GFPT1: variants seen among roughly 807,000 people sequenced by gnomAD.
GFPT1 encodes glutamine--fructose-6-phosphate transaminase 1, also known as glutamine--fructose-6-phosphate aminotransferase [isomerizing] 1.
A neutral mutation model predicts 92.0 loss-of-function variants in GFPT1; 40 were observed. The ratio of observed to expected loss-of-function variants is 0.43; its 90% CI spans 0.34 to 0.57. The LOEUF (loss-of-function observed/expected upper bound fraction) is 0.57. Among genes scored for constraint, GFPT1 ranks in the 20% least tolerant of loss-of-function variants. The probability of loss-of-function intolerance (pLI) is 0.02; values close to 1 mark genes in which losing one functional copy is unlikely to be tolerated. For synonymous variants in GFPT1, 269 were observed against 280.6 expected, an observed-to-expected ratio of 0.96 and a Z score of 0.41; for missense variants, 448 against 869.1, an observed-to-expected ratio of 0.52 and a Z score of 6.09.
chr2:69,360,149 G>A (rs1330979509), intron 4 of GFPT1, among the ~76,000 whole-genome samples: 1 of 151,896 alleles, frequency 6.6e-6, no homozygotes, highest in Non-Finnish European at 1.5e-5. Context: ...TCAACATGGC[G>A]AAACCCTGTC....
At position 69,329,293 on chromosome 2, in the gene GFPT1, T is replaced by C. The variant is rs1348119261; in HGVS notation, c.1725+4A>G. The C allele has an allele frequency of 1.2e-6, 2 of 1,613,638 alleles. No individual in the cohort carries two copies. Among genetic ancestry groups the C allele is most frequent in the South Asian group, 1.1e-5 (1 of 91,076 alleles). ...TGATACTAATTAGAACTGAGAAAACTTACCAGTGCCCCTTCAAGACAAGTA... is the reference window on the plus strand; with the variant it reads ...TGATACTAATTAGAACTGAGAAAACCTACCAGTGCCCCTTCAAGACAAGTA... On this transcript the variant is annotated splice_donor_region_variant and intron_variant, in intron 17 of 19. Coordinates refer to ENST00000357308, the MANE Select transcript of GFPT1 (RefSeq NM_001244710.2).
At chr2:69,368,122 G>A (rs1272794131) in intron 3 of GFPT1, among the ~76,000 whole-genome samples, 4 of 152,176 alleles carry the variant, frequency 2.6e-5, no homozygotes, top group Non-Finnish European at 4.4e-5. Flanking sequence ...GGTGGCTCAC[G>A]CCTGCAATCC....
intron 7 of GFPT1, 60 bp downstream of exon 7, chr2:69,356,436 G>T: frequency 8.6e-7 from 1 of 1,168,914 alleles, no homozygotes; most frequent in Non-Finnish European, 1.3e-6. Context: ...AGTCTACGAA[G>T]AATAAACATG....
At chr2:69,383,593 A>T (rs959641316) in intron 1 of GFPT1, among the ~76,000 whole-genome samples, 1 of 152,124 alleles carries the variant, frequency 6.6e-6, no homozygotes, top group African/African-American at 2.4e-5. Flanking sequence ...TCTCATTTGC[A>T]AACATTCCAT....
chr2:69,364,440 C>T (rs189259263), intron 3 of GFPT1, among the ~76,000 whole-genome samples: 3 of 152,292 alleles, frequency 2.0e-5, no homozygotes, highest in Admixed American at 2.0e-4. Flanking sequence ...TTAATGTAAT[C>T]TTTTAAATCT....
rs997790700 is a variant in GFPT1 at position 69,326,085 on chromosome 2, A to T, written c.*104T>A. 32 of 705,872 alleles carry T rather than the reference A, an allele frequency of 4.5e-5. No individual in the cohort carries two copies. Among genetic ancestry groups the T allele is most frequent in the South Asian group, 1.4e-4 (8 of 58,766 alleles). 43.7% of individuals were successfully genotyped at this position (705,872 alleles called of 1,614,324 possible). A position where few individuals can be genotyped will look rare whatever the true frequency, so the allele number is the denominator to read the frequency against. On this transcript the variant is annotated 3_prime_UTR_variant, in exon 20 of 20. Coordinates refer to ENST00000357308, the MANE Select transcript of GFPT1 (RefSeq NM_001244710.2). Reference sequence around the variant, plus strand: ...ACTGATATATAAATAAGGATTTACTAAAAAAAGGCTTCAAGGGGTGATATT... The same window carrying T: ...ACTGATATATAAATAAGGATTTACTTAAAAAAGGCTTCAAGGGGTGATATT...
intron 12 of GFPT1, among the ~76,000 whole-genome samples, chr2:69,345,306 G>A (rs929373131): frequency 6.6e-6 from 1 of 152,154 alleles, no homozygotes; most frequent in Admixed American, 6.5e-5. Flanking sequence ...AAATGCAGGA[G>A]GGTACAGGTT....
intron 1 of GFPT1, among the ~76,000 whole-genome samples, chr2:69,376,327 G>A (rs1264218813): frequency 1.3e-5 from 2 of 152,146 alleles, no homozygotes; most frequent in African/African-American, 2.4e-5. Flanking sequence ...TGGCCAACAT[G>A]GCGAAACCCA....
chr2:69,370,794 T>C (rs547090892), intron 2 of GFPT1, among the ~76,000 whole-genome samples: 11 of 152,232 alleles, frequency 7.2e-5, no homozygotes, highest in Non-Finnish European at 1.2e-4. Context: ...GTGGAATACC[T>C]CAAAGGACTT....
chr2:69,376,411 G>C (rs1296491324), intron 1 of GFPT1, among the ~76,000 whole-genome samples: 1 of 152,126 alleles, frequency 6.6e-6, no homozygotes, highest in Non-Finnish European at 1.5e-5. Context: ...TTGGTAGGCT[G>C]AGACGGGGAG....
At chr2:69,338,698 G>A in intron 13 of GFPT1, 133 bp from the exon 14 acceptor site, 3 of 714,668 alleles carry the variant, frequency 4.2e-6, no homozygotes, top group South Asian at 3.4e-5. Flanking sequence ...AAACAACCCA[G>A]ATTAAAATAT....
chr2:69,384,693 C>CAAAAAAAAAAAAAAAAAAAAAA (rs71964630), intron 1 of GFPT1, among the ~76,000 whole-genome samples: 2 of 106,628 alleles, frequency 1.9e-5, no homozygotes, highest in African/African-American at 3.3e-5. Flanking sequence ...GGCCCCGTCA[C>CAAAAAAAAAAAAAAAAAAAAAA]AAAAAAAAAA....
chr2:69,323,202 T>C lies in GFPT1; in HGVS notation c.*2987A>G, dbSNP rs1347656971. 6.6e-6 allele frequency: 1 copy of C among 152,200 alleles called. No individual in the cohort carries two copies. Among genetic ancestry groups the C allele is most frequent in the African/African-American group, 2.4e-5 (1 of 41,452 alleles). 9.4% of individuals were successfully genotyped at this position (152,200 alleles called of 1,614,324 possible). ...TGGGCCACACGCTAGATGACAGACA[T>C]GCCTCCCTGCCTAAAAAGGGCTCAA... On this transcript the variant is annotated 3_prime_UTR_variant, in exon 20 of 20. Coordinates refer to ENST00000357308, the MANE Select transcript of GFPT1 (RefSeq NM_001244710.2).
intron 3 of GFPT1, among the ~76,000 whole-genome samples, chr2:69,369,584 T>A (rs79348823): frequency 6.6e-6 from 1 of 152,244 alleles, no homozygotes; most frequent in African/African-American, 2.4e-5. Context: ...TATTCAAAGG[T>A]GCAATGTCAA....
At chr2:69,349,428 CT>C (rs931438267) in intron 10 of GFPT1, among the ~76,000 whole-genome samples, 5 of 152,174 alleles carry the variant, frequency 3.3e-5, no homozygotes, top group African/African-American at 1.2e-4. Flanking sequence ...TGTTTTCCCA[CT>C]GAGATAATAT....
chr2:69,358,136 G>A (rs531101152), intron 6 of GFPT1, among the ~76,000 whole-genome samples, 193 bp downstream of exon 6: 147 of 152,102 alleles, frequency 9.7e-4, no homozygotes, highest in Middle Eastern at 3.4e-3. Context: ...GAAGTAAGTA[G>A]AATTTTAAAT....
At chr2:69,375,910 C>T (rs1042941049) in intron 1 of GFPT1, among the ~76,000 whole-genome samples, 1 of 152,176 alleles carries the variant, frequency 6.6e-6, no homozygotes, top group Non-Finnish European at 1.5e-5. Flanking sequence ...GTGCAGCTTC[C>T]AACTTTCAAT....
chr2:69,362,616 T>C (rs1019745114), intron 4 of GFPT1, among the ~76,000 whole-genome samples: 6 of 151,444 alleles, frequency 4.0e-5, no homozygotes, highest in African/African-American at 1.5e-4. Context: ...GCTAATACAG[T>C]GAAATGCCGT....
chr2:69,351,966 T>C (rs1228283027), intron 9 of GFPT1, among the ~76,000 whole-genome samples: 1 of 152,124 alleles, frequency 6.6e-6, no homozygotes, highest in African/African-American at 2.4e-5. Context: ...TATTACTGTA[T>C]GTTAAAAAAC....
Sources: allele counts gnomAD v4.1 joint callset (sites outside exome capture counted in the v4.1 genomes callset), GRCh38; gene constraint gnomAD v4.1.1; transcripts MANE v1.5; gene names NCBI Gene and HGNC (gene_info 2026-07-23, HGNC 2026-07-21).